The following TMEM132D variants were observed in gnomAD, a reference collection of about 807,000 sequenced individuals.
TMEM132D encodes the protein transmembrane protein 132D, also known as mature OL transmembrane protein.
TMEM132D carries 21 observed loss-of-function variants against 62.3 expected under a neutral mutation model. That is an observed-to-expected ratio of 0.34 (90% confidence interval 0.24 to 0.49). TMEM132D has a LOEUF of 0.49. TMEM132D is among the 20% of genes least tolerant of loss of function. The pLI is 0.99. For missense variants in TMEM132D, 1,346 were observed against 1,402.8 expected (o/e 0.96, Z 0.65); for synonymous variants, 621 against 575.6 (o/e 1.08, Z -1.13).
At chr12:129,238,673 G>A (rs893791882) in intron 4 of TMEM132D, among the ~76,000 whole-genome samples, 1 of 152,132 alleles carries the variant, frequency 6.6e-6, no homozygotes, top group African/African-American at 2.4e-5. Context: ...TATTTTTAAG[G>A]CTGGATGATA....
intron 3 of TMEM132D, among the ~76,000 whole-genome samples, chr12:129,395,250 T>C (rs1181754228): frequency 1.3e-5 from 2 of 152,210 alleles, no homozygotes; most frequent in Non-Finnish European, 2.9e-5. Context: ...GTGCTTGATA[T>C]GAGGCTGATG....
chr12:129,323,598 T>C (rs1280935521), intron 4 of TMEM132D, among the ~76,000 whole-genome samples: 1 of 152,168 alleles, frequency 6.6e-6, no homozygotes, highest in Non-Finnish European at 1.5e-5. Context: ...TCAAATCCTT[T>C]TTGATGGGAA....
chr12:129,369,577 G>A (rs1364223434), intron 3 of TMEM132D, among the ~76,000 whole-genome samples: 2 of 152,206 alleles, frequency 1.3e-5, no homozygotes, highest in Non-Finnish European at 2.9e-5. Context: ...AGCGGAAGCT[G>A]GCTGCCTCTC....
chr12:129,094,576 T>G (rs1201981644), intron 5 of TMEM132D, among the ~76,000 whole-genome samples: 1 of 152,208 alleles, frequency 6.6e-6, no homozygotes, highest in Non-Finnish European at 1.5e-5. Flanking sequence ...ACTTTTACAC[T>G]GTTGGTGGGA....
At chr12:129,727,061 T>C (rs965733366) in intron 1 of TMEM132D, among the ~76,000 whole-genome samples, 13 of 152,232 alleles carry the variant, frequency 8.5e-5, no homozygotes, top group Non-Finnish European at 1.6e-4. Context: ...TTCTAAAGCA[T>C]AGTTAGGACA....
chr12:129,386,476 T>A (rs1023170878), intron 3 of TMEM132D, among the ~76,000 whole-genome samples: 3 of 150,960 alleles, frequency 2.0e-5, no homozygotes, highest in Non-Finnish European at 4.4e-5. Context: ...ACGCCAACAC[T>A]AACACCAACA....
chr12:129,781,610 C>T (rs1871121840), intron 1 of TMEM132D, among the ~76,000 whole-genome samples: 1 of 152,106 alleles, frequency 6.6e-6, no homozygotes, highest in Non-Finnish European at 1.5e-5. Flanking sequence ...ACCTCTGGAA[C>T]CAAAGTGGCT....
At chr12:129,114,254 G>C (rs1427969589) in intron 5 of TMEM132D, among the ~76,000 whole-genome samples, 1 of 152,142 alleles carries the variant, frequency 6.6e-6, no homozygotes, top group South Asian at 2.1e-4. Context: ...TGTTACAGTG[G>C]GGAGGGGGAT....
At chr12:129,452,922 C>T (rs1274695762) in intron 3 of TMEM132D, among the ~76,000 whole-genome samples, 3 of 152,148 alleles carry the variant, frequency 2.0e-5, no homozygotes, top group Admixed American at 6.5e-5. Context: ...GATCAGGGGT[C>T]CCCAACCCCC....
At position 129,156,537 on chromosome 12, in the gene TMEM132D, C is replaced by T. The variant is rs150639022; in HGVS notation, c.1443+52983G>A. On this transcript the variant is annotated intron_variant, in intron 5 of 8. Transcript: ENST00000422113. ...CCCAAGATAGCTATTCCGCTCCCAA[C>T]ATAAATAACCCACTTTTGTGGTACC... Among the ~76,000 whole-genome samples the T allele has an allele frequency of 4.5e-4, 68 of 152,114 alleles. 2 individuals are homozygous for T. The South Asian group carries it at 9.2e-3, about 20-fold the overall frequency.
chr12:129,576,477 CAT>C (rs1018160431), intron 2 of TMEM132D, among the ~76,000 whole-genome samples: 4 of 151,290 alleles, frequency 2.6e-5, no homozygotes, highest in African/African-American at 4.9e-5. Context: ...TATATGCATA[CAT>C]ATGTGTACAT....
intron 1 of TMEM132D, among the ~76,000 whole-genome samples, chr12:129,767,653 G>A (rs2084806): frequency 0.95 from 144,092 of 152,216 alleles, 68,483 homozygotes; most frequent in Non-Finnish European, 1. Context: ...GATCATCCAT[G>A]TTGTAGCATG....
chr12:129,256,284 T>C (rs1417723668), intron 4 of TMEM132D, among the ~76,000 whole-genome samples: 1 of 152,184 alleles, frequency 6.6e-6, no homozygotes, highest in African/African-American at 2.4e-5. Flanking sequence ...TCCTAAAGGA[T>C]GCACAGACAA....
chr12:129,895,195 C>A (rs556454407), intron 1 of TMEM132D, among the ~76,000 whole-genome samples: 19 of 152,086 alleles, frequency 1.2e-4, no homozygotes, highest in African/African-American at 4.6e-4. Flanking sequence ...TACACGTCAC[C>A]GTTGTGTGGA....
At chr12:129,848,672 A>G (rs763940033) in intron 1 of TMEM132D, among the ~76,000 whole-genome samples, 9 of 152,126 alleles carry the variant, frequency 5.9e-5, no homozygotes, top group Non-Finnish European at 1.3e-4. Flanking sequence ...CTTTTTGATG[A>G]GTTACTTTAA....
intron 3 of TMEM132D, among the ~76,000 whole-genome samples, chr12:129,448,509 G>A (rs1873174688): frequency 6.6e-6 from 1 of 152,126 alleles, no homozygotes; most frequent in South Asian, 2.1e-4. Context: ...AATTTGCTAA[G>A]AATAATGGAG....
At chr12:129,195,904 GT>G (rs1308159368) in intron 5 of TMEM132D, among the ~76,000 whole-genome samples, 1 of 152,140 alleles carries the variant, frequency 6.6e-6, no homozygotes, top group African/African-American at 2.4e-5. Context: ...AGATGGGCGG[GT>G]CACTTGAGGT....
At chr12:129,865,678 C>T (rs571059729) in intron 1 of TMEM132D, among the ~76,000 whole-genome samples, 112 of 152,248 alleles carry the variant, frequency 7.4e-4, no homozygotes, top group Middle Eastern at 3.4e-3. Flanking sequence ...GTCTGACACA[C>T]GGAATATACT....
rs1881014302 is a variant in TMEM132D, at chr12:129,276,619, G to A, written c.1299+61015C>T. ...AGGCATGCAGCCACTTCATGGAGGT[G>A]GCTTTTTGTGTCTCCTCTCAGCACC... On this transcript the variant is annotated intron_variant, in intron 4 of 8. Transcript: ENST00000422113. Among the ~76,000 whole-genome samples, 3 of 152,188 alleles carry A rather than the reference G, an allele frequency of 2.0e-5. No individual in the cohort carries two copies. The South Asian group carries it at 6.2e-4, about 32-fold the overall frequency.
Sources: allele counts gnomAD v4.1 joint callset (sites outside exome capture counted in the v4.1 genomes callset), GRCh38; gene constraint gnomAD v4.1.1; transcripts MANE v1.5; gene names NCBI Gene and HGNC (gene_info 2026-07-23, HGNC 2026-07-21).